MYH9: variants seen among roughly 807,000 people sequenced by gnomAD.
The protein encoded by MYH9 is myosin-9.
MYH9 carries 29 observed loss-of-function variants against 241.9 expected under a neutral mutation model. That is an observed-to-expected ratio of 0.12 (90% confidence interval 0.09 to 0.16). MYH9 has a LOEUF of 0.16. Ranked by LOEUF, MYH9 falls within the 10% of genes least tolerant of loss-of-function variation. The pLI, the probability that MYH9 is intolerant of heterozygous loss-of-function variation, is 1.00. For synonymous variants in MYH9, 1,047 were observed against 1,062.6 expected, an observed-to-expected ratio of 0.99 and a Z score of 0.29; for missense variants, 1,803 against 2,595.5, an observed-to-expected ratio of 0.69 and a Z score of 6.63.
At chr22:36,383,801 T>C (rs2018296051) in intron 1 of MYH9, among the ~76,000 whole-genome samples, 3 of 150,528 alleles carry the variant, frequency 2.0e-5, no homozygotes, top group East Asian at 2.0e-4. Context: ...CTACTAAAAA[T>C]ACAAAAAAAT....
Position 36,320,157 on chromosome 22 carries a change from C to CT in MYH9, c.1012+62_1012+63insA, listed in dbSNP as rs3833922. 993,985 of 1,610,516 alleles carry CT rather than the reference C, an allele frequency of 0.62. 314,154 individuals carry two copies. Among genetic ancestry groups the CT allele is most frequent in the Non-Finnish European group, 0.65 (765,151 of 1,178,812 alleles). ...AGGCCCATCGGCTACCCTGATGCCC[C>CT]GAGGCCGTGGGTACCAGCCTTCCTC... is the stretch of plus-strand genomic sequence containing the variant. On this transcript the variant is annotated intron_variant, in intron 9 of 40. Transcript: ENST00000216181. The surrounding 1 kb of genome is among the most constrained non-coding windows in gnomAD (Gnocchi z 4.8).
intron 34 of MYH9, among the ~76,000 whole-genome samples, chr22:36,287,222 T>A (rs922547077): frequency 1.3e-5 from 2 of 152,228 alleles, no homozygotes; most frequent in Non-Finnish European, 2.9e-5. Flanking sequence ...TTTCCTTTTG[T>A]TATTCTCCTG....
intron 1 of MYH9, among the ~76,000 whole-genome samples, chr22:36,355,000 C>CACACACACACACACAG (rs3220842): frequency 2.7e-5 from 4 of 149,798 alleles, no homozygotes; most frequent in African/African-American, 9.9e-5. Flanking sequence ...CACACACACA[C>CACACACACACACACAG]AGAGGAAAGA....
chr22:36,336,119 A>C (rs1300389583), intron 3 of MYH9, among the ~76,000 whole-genome samples: 1 of 152,206 alleles, frequency 6.6e-6, no homozygotes, highest in African/African-American at 2.4e-5. Flanking sequence ...GAATGAAAGC[A>C]GATCTGCTTC....
At chr22:36,363,989 G>A (rs1198608692) in intron 1 of MYH9, among the ~76,000 whole-genome samples, 1 of 152,186 alleles carries the variant, frequency 6.6e-6, no homozygotes, top group Non-Finnish European at 1.5e-5. Flanking sequence ...TGTGAGCACA[G>A]TTTGCTGAAA....
At chr22:36,307,251 C>T (rs1232724338) in intron 15 of MYH9, among the ~76,000 whole-genome samples, 1 of 152,168 alleles carries the variant, frequency 6.6e-6, no homozygotes, top group African/African-American at 2.4e-5. Flanking sequence ...TTCATTTTGT[C>T]TCCTGGTGCA....
chr22:36,336,076 G>T (rs1394544251), intron 3 of MYH9, among the ~76,000 whole-genome samples: 1 of 152,196 alleles, frequency 6.6e-6, no homozygotes, highest in Non-Finnish European at 1.5e-5. Flanking sequence ...ACAGAGCAAA[G>T]GGTTAAATTG....
intron 12 of MYH9, 131 bp downstream of exon 12, chr22:36,316,386 A>G (rs2017152717): frequency 2.2e-6 from 3 of 1,359,476 alleles, no homozygotes; most frequent in Admixed American, 3.5e-5. Flanking sequence ...ACACCCAACC[A>G]AAGTCTTCAT....
intron 1 of MYH9, among the ~76,000 whole-genome samples, chr22:36,385,170 T>C (rs954535111): frequency 1.3e-5 from 2 of 151,106 alleles, no homozygotes; most frequent in South Asian, 2.1e-4. Context: ...GTTTTTTTTT[T>C]TCTCTCTCTC....
At position 36,309,341 on chromosome 22, in the gene MYH9, T is replaced by A. The variant is rs2017022847; in HGVS notation, c.1784A>T (p.Asn595Ile). ...LMKNMDPLND[N>I]IATLLHQSSD... ...GGACTGGTGGAGCAGTGTGGCGATG[T>A]TGTCATTCAGGGGATCCATGTTCTT... The change falls in exon 15 of 41, where the codon AAC (asparagine) becomes ATC (isoleucine). Residue 595 changes from asparagine to isoleucine, a missense_variant. Transcript: ENST00000216181. 6.2e-7 allele frequency: 1 copy of A among 1,614,026 alleles called. No homozygotes were observed. Among genetic ancestry groups the A allele is most frequent in the Non-Finnish European group, 8.5e-7 (1 of 1,180,024 alleles).
Position 36,291,998 on chromosome 22 carries a change from C to T in MYH9, c.4332G>A (p.Lys1444=), listed in dbSNP as rs758755198. 1.9e-5 allele frequency: 31 copies of T among 1,614,108 alleles called. 1 individual carries two copies. The East Asian group carries it at 4.2e-4, about 22-fold the overall frequency. The stretch of plus-strand genomic sequence containing the variant: ...AACGGCCACACACCTGGTCAAACTT[C>T]TTCTGCTTCTTCTCCAGGTTGCACG... ...QSACNLEKKQ[K]KFDQLLAEEK... Residue 1444 remains lysine, a synonymous_variant, in exon 31 of 41, where the codon AAG becomes AAA. Transcript: ENST00000216181.
At chr22:36,286,625 T>C (rs925576252) in intron 35 of MYH9, 93 bp downstream of exon 35, 12 of 1,550,742 alleles carry the variant, frequency 7.7e-6, no homozygotes, top group Admixed American at 5.0e-5. Flanking sequence ...TGGAGCCCAG[T>C]AGGACTCCAG....
intron 9 of MYH9, 45 bp from the exon 10 acceptor site, chr22:36,319,680 G>A: frequency 6.3e-7 from 1 of 1,581,718 alleles, no homozygotes. Flanking sequence ...CATGGGTCAT[G>A]GTGATTCCCG....
At chr22:36,369,972 A>C (rs191944442) in intron 1 of MYH9, among the ~76,000 whole-genome samples, 4 of 152,350 alleles carry the variant, frequency 2.6e-5, no homozygotes, top group Non-Finnish European at 5.9e-5. Context: ...AAGTGACTTT[A>C]ACCTTTGTAA....
In MYH9 at chr22:36,298,613, A is replaced by G. The variant is rs1228108530; in HGVS notation, c.3100+306T>C. On this transcript the variant is annotated intron_variant, in intron 24 of 40. Transcript: ENST00000216181. ...CCCGGAGCCTCCTAGGAAGTCTCAG[A>G]AGCTTCCAAAACCCACGGCACACAA... Among the ~76,000 whole-genome samples, 15 of 152,278 alleles carry G rather than the reference A, an allele frequency of 9.9e-5. No individual in the cohort carries two copies. The East Asian group carries it at 2.7e-3, about 27-fold the overall frequency.
Position 36,281,621 on chromosome 22 carries a change from C to A in MYH9, c.*1047G>T, listed in dbSNP as rs1193557951. 1.3e-5 allele frequency: 3 copies of A among 230,502 alleles called. No individual in the cohort carries two copies. Among genetic ancestry groups the A allele is most frequent in the African/African-American group, 6.6e-5 (3 of 45,136 alleles). 14.3% of individuals were successfully genotyped at this position (230,502 alleles called of 1,614,324 possible). ...ACCAGTGAGGACGAGCTACTCTCTT[C>A]TAAACAAAGGCAGTGAGAAAGACTC... On this transcript the variant is annotated 3_prime_UTR_variant, in exon 41 of 41. Transcript: ENST00000216181.
chr22:36,295,716 C>G lies in MYH9; in HGVS notation c.3274G>C (p.Val1092Leu). 1 of 1,612,456 alleles carries G rather than the reference C, an allele frequency of 6.2e-7. No homozygotes were observed. The highest frequency in any genetic ancestry group is 1.3e-5 in the African/African-American group (1 of 75,020). ...TTCTTCTGGGCAGCTTCCTCTTCCA[C>G]TCTGCCAAAGCGACCAGCAACATCA... ...EEELQAALAR[V>L]EEEAAQKNMA... The change falls in exon 26 of 41, where the codon GTG becomes CTG. Residue 1092 changes from valine to leucine, a missense_variant and splice_region_variant. Transcript: ENST00000216181. This position sits in a 1 kb window ranked among gnomAD's most constrained non-coding sequence, Gnocchi z 4.1.
Position 36,282,699 on chromosome 22 carries a change from G to A in MYH9, c.5852C>T (p.Ala1951Val), listed in dbSNP as rs770189667. The A allele has an allele frequency of 2.7e-5, 43 of 1,613,880 alleles. No individual in the cohort carries two copies. Among genetic ancestry groups the A allele is most frequent in the Non-Finnish European group, 3.6e-5 (42 of 1,180,034 alleles). Residue 1951 changes from alanine (A) to valine (V), a missense_variant, in exon 41 of 41, where the codon GCG becomes GTG. By Grantham distance (64) the Ala-to-Val change is moderately conservative. This residue lies in a region of MYH9 where 876 missense variants were observed against 1,077.8 expected (regional missense o/e 0.81). Coordinates refer to ENST00000216181, the MANE Select transcript of MYH9 (RefSeq NM_002473.6). Reference protein sequence around the residue: ...DGSDEEVDGKADGAEAKPAE With the variant: ...DGSDEEVDGKVDGAEAKPAE ...GGCAGGTTTGGCCTCAGCCCCATCC[G>A]CTTTGCCATCTACCTCTTCGTCGGA...
At chr22:36,382,641 A>G (rs1015565766) in intron 1 of MYH9, among the ~76,000 whole-genome samples, 1 of 151,892 alleles carries the variant, frequency 6.6e-6, no homozygotes, top group Non-Finnish European at 1.5e-5. Context: ...CATCTCTACT[A>G]AAAATGCAAA....
Sources: allele counts gnomAD v4.1 joint callset (sites outside exome capture counted in the v4.1 genomes callset), GRCh38; gene constraint gnomAD v4.1.1; regional missense constraint gnomAD v4.1.1; non-coding constraint Gnocchi (gnomAD v3.1); transcripts MANE v1.5; gene names NCBI Gene and HGNC (gene_info 2026-07-23, HGNC 2026-07-21).